TRPV1: variants seen among roughly 807,000 people sequenced by gnomAD.
TRPV1 encodes the protein OTRPC1.
Under a neutral mutation model 82.3 loss-of-function variants are expected in TRPV1, and 82 were observed. That is an observed-to-expected ratio of 1.00 (90% confidence interval 0.83 to 1.20). The LOEUF (loss-of-function observed/expected upper bound fraction) is 1.20, where lower values mean the gene tolerates loss of function less well. Among genes scored for constraint, TRPV1 ranks in the 50% most tolerant of loss-of-function variants. TRPV1 has a pLI of 0.00. For synonymous variants in TRPV1, 515 were observed against 467.7 expected, an observed-to-expected ratio of 1.10 and a Z score of -1.30; for missense variants, 1,067 against 1,096.8, an observed-to-expected ratio of 0.97 and a Z score of 0.38.
chr17:3,584,614 G>A (rs1198697767), intron 9 of TRPV1, among the ~76,000 whole-genome samples: 6 of 151,838 alleles, frequency 4.0e-5, no homozygotes, highest in Admixed American at 6.6e-5. Flanking sequence ...TGGCCAATAC[G>A]GTGAAATCCC....
chr17:3,603,495 G>T (rs2075278411), intron 2 of TRPV1, among the ~76,000 whole-genome samples: 1 of 152,184 alleles, frequency 6.6e-6, no homozygotes, highest in Non-Finnish European at 1.5e-5. Context: ...CTGAACCTCT[G>T]GGTCTACTTC....
chr17:3,594,150 A>AAT (rs1248124121), intron 2 of TRPV1, among the ~76,000 whole-genome samples: 1 of 98,658 alleles, frequency 1.0e-5, no homozygotes, highest in East Asian at 2.4e-4. Flanking sequence ...AAAAAAAAAA[A>AAT]AAGAAGCAGC....
chr17:3,595,633 C>T (rs2075212184), intron 2 of TRPV1: 1 of 152,228 alleles, frequency 6.6e-6, no homozygotes, highest in South Asian at 2.1e-4. Context: ...AGAATAGGGG[C>T]TGCTCGTTAG....
At position 3,577,171 on chromosome 17, in the gene TRPV1, G is replaced by A. The variant is rs1204426603; in HGVS notation, c.1735C>T (p.Arg579Cys). The A allele has an allele frequency of 1.9e-5, 30 of 1,585,716 alleles. No individual in the cohort carries two copies. Among genetic ancestry groups the A allele is most frequent in the African/African-American group, 2.7e-5 (2 of 74,394 alleles). Residue 579 changes from arginine to cysteine, a missense_variant, in exon 13 of 17, where the codon CGT (arginine) becomes TGT (cysteine). Physicochemically the swap from Arg to Cys is radical, Grantham distance 180 (BLOSUM62 -3). Transcript: ENST00000572705. ...IEKMILRDLC[R>C]FMFVYIVFLF... Reference sequence around the variant, plus strand: ...AAGACGATGTAGACAAACATGAAACGGCACAGGTCTCTCAGGATCATCTGC... The same window carrying A: ...AAGACGATGTAGACAAACATGAAACAGCACAGGTCTCTCAGGATCATCTGC...
At position 3,591,311 on chromosome 17, in the gene TRPV1, G is replaced by A; in HGVS notation, c.327C>T (p.Thr109=). Residue 109 remains threonine, a synonymous_variant, in exon 4 of 17, where the codon ACC becomes ACT. Coordinates refer to ENST00000572705, the MANE Select transcript of TRPV1 (RefSeq NM_080704.4). ...TACTCCTGCGATCATAGAGCCTGAGGGTCTTCTCGGTGCTGGCGGCGACAG... is the reference window on the plus strand; with the variant it reads ...TACTCCTGCGATCATAGAGCCTGAGAGTCTTCTCGGTGCTGGCGGCGACAG... ...QDSVAASTEK[T]LRLYDRRSIF... is the part of the protein sequence containing the mutation. 1 of 1,605,324 alleles carries A rather than the reference G, an allele frequency of 6.2e-7. No individual in the cohort carries two copies. Among genetic ancestry groups the A allele is most frequent in the Non-Finnish European group, 8.5e-7 (1 of 1,177,008 alleles).
Position 3,579,665 on chromosome 17 carries a change from G to C in TRPV1, c.1547+792C>G, listed in dbSNP as rs187587076. ...TAATTTTTGTATTTTTAGTAGAGAC[G>C]GGGTTTCACCATGTTGGCCAGTCTG... is the stretch of plus-strand genomic sequence containing the variant. On this transcript the variant is annotated intron_variant, in intron 11 of 16. Transcript: ENST00000572705. 1.3e-3 allele frequency among the ~76,000 whole-genome samples: 195 copies of C among 152,104 alleles called. 1 individual carries two copies. Among genetic ancestry groups the C allele is most frequent in the African/African-American group, 4.6e-3 (190 of 41,510 alleles).
At chr17:3,579,858 C>T (rs1237261967) in intron 11 of TRPV1, among the ~76,000 whole-genome samples, 1 of 152,168 alleles carries the variant, frequency 6.6e-6, no homozygotes, top group Non-Finnish European at 1.5e-5. Flanking sequence ...ATTCCGGCAC[C>T]ACCCCCCAAA....
At chr17:3,570,332 T>C (rs1443422000) in intron 16 of TRPV1, among the ~76,000 whole-genome samples, 1 of 149,284 alleles carries the variant, frequency 6.7e-6, no homozygotes, top group Admixed American at 6.7e-5. Context: ...ATCACGCCAC[T>C]GCACTCCAGC....
chr17:3,606,734 C>T (rs2075298267), intron 2 of TRPV1, among the ~76,000 whole-genome samples: 1 of 152,164 alleles, frequency 6.6e-6, no homozygotes, highest in South Asian at 2.1e-4. Context: ...TATTGACAAA[C>T]TGGGACCCTC....
chr17:3,588,094 C>G lies in TRPV1; in HGVS notation c.1224+94G>C, dbSNP rs774906923. 4.6e-4 allele frequency: 656 copies of G among 1,436,894 alleles called. 1 individual carries two copies. The highest frequency in any genetic ancestry group is 2.0e-3 in the Admixed American group (92 of 45,310). The allele number at this position is 1,436,894 out of a possible 1,614,324, so 89.0% of individuals were successfully genotyped here. A position where few individuals can be genotyped will look rare whatever the true frequency, so the allele number is the denominator to read the frequency against. On this transcript the variant is annotated intron_variant, in intron 8 of 16. Transcript: ENST00000572705. ...GGCCCGGGCGCAGCAGGCTTTCCCT[C>G]CTGAGAAGCCAGCTGGAGCTGGACC...
At chr17:3,588,956 C>T (rs1158507749) in intron 7 of TRPV1, 1 of 1,535,640 alleles carries the variant, frequency 6.5e-7, no homozygotes, top group South Asian at 1.2e-5. Flanking sequence ...GTGGTCCATT[C>T]TCGATAACCT....
Position 3,583,433 on chromosome 17 carries a change from G to A in TRPV1, c.1384-3C>T, listed in dbSNP as rs764497907. ...GTTTTTTCCATCTTAAAGGGAGGCT[G>A]TGAGATGCAGAGAAGTTGGTAACTC... On this transcript the variant is annotated splice_region_variant and splice_polypyrimidine_tract_variant and intron_variant, in intron 9 of 16. Coordinates refer to ENST00000572705, the MANE Select transcript of TRPV1 (RefSeq NM_080704.4). 4 of 1,593,076 alleles carry A rather than the reference G, an allele frequency of 2.5e-6. No homozygotes were observed. The highest frequency in any genetic ancestry group is 2.3e-5 in the East Asian group (1 of 44,294).
intron 16 of TRPV1, among the ~76,000 whole-genome samples, chr17:3,570,975 C>A (rs1349181696): frequency 1.3e-5 from 2 of 152,198 alleles, no homozygotes; most frequent in Non-Finnish European, 2.9e-5. Context: ...TCTCAGCCTC[C>A]CAAAGTGCTG....
intron 8 of TRPV1, among the ~76,000 whole-genome samples, chr17:3,587,202 T>C (rs2075096052): frequency 6.6e-6 from 1 of 152,180 alleles, no homozygotes; most frequent in South Asian, 2.1e-4. Context: ...AACACTTGTA[T>C]CCAGCACTCT....
chr17:3,586,502 T>C lies in TRPV1; in HGVS notation c.1225-576A>G, dbSNP rs190880542. On this transcript the variant is annotated intron_variant, in intron 8 of 16. Transcript: ENST00000572705. ...TAAAGTTCAAATAGGCCGGGTGTAGTGGCTCACGCCTGTAATCCCAGCACT... is the reference window on the plus strand; with the variant it reads ...TAAAGTTCAAATAGGCCGGGTGTAGCGGCTCACGCCTGTAATCCCAGCACT... Among the ~76,000 whole-genome samples, 373 of 152,370 alleles carry C rather than the reference T, an allele frequency of 2.4e-3. 1 individual carries two copies. The highest frequency in any genetic ancestry group is 5.2e-3 in the South Asian group (25 of 4,830).
chr17:3,567,513 G>T (rs962389846), intron 16 of TRPV1, among the ~76,000 whole-genome samples: 4 of 152,014 alleles, frequency 2.6e-5, no homozygotes, highest in South Asian at 4.2e-4. Flanking sequence ...ATGCACTCTC[G>T]CTGTTCCTTA....
chr17:3,566,860 C>T lies in TRPV1; in HGVS notation c.2475G>A (p.Glu825=), dbSNP rs1417521589. The change falls in exon 17 of 17, where the codon GAG becomes GAA. Residue 825 remains glutamate (E), a synonymous_variant. Transcript: ENST00000572705. The stretch of plus-strand genomic sequence containing the variant: ...CAGGACTCTTGAAGACCTCAGCGTC[C>T]TCTGGCTTCAGAGACCCTGAAAACT... The part of the protein sequence containing the change: ...LRQFSGSLKP[E]DAEVFKSPAA... 1.2e-6 allele frequency: 2 copies of T among 1,613,886 alleles called. No homozygotes were observed. The highest frequency in any genetic ancestry group is 3.3e-5 in the Admixed American group (2 of 59,990).
intron 10 of TRPV1, among the ~76,000 whole-genome samples, chr17:3,580,960 A>C (rs1221496391): frequency 6.6e-6 from 1 of 151,782 alleles, no homozygotes; most frequent in Non-Finnish European, 1.5e-5. Context: ...CAGAGGCTGC[A>C]GTGAGCCAAG....
intron 10 of TRPV1, among the ~76,000 whole-genome samples, chr17:3,582,018 G>A (rs549718177): frequency 9.2e-4 from 134 of 146,060 alleles, no homozygotes; most frequent in African/African-American, 2.3e-3. Context: ...GTGAAACCCC[G>A]TCTCTACTAA....
Sources: gnomAD v4.1 joint callset for allele counts (sites outside exome capture counted in the v4.1 genomes callset) on GRCh38, gnomAD v4.1.1 for gene constraint, MANE v1.5 for transcripts, NCBI Gene and HGNC (gene_info 2026-07-23, HGNC 2026-07-21) for gene names.